Variants in CLUAP1 observed in about 807,000 individuals in gnomAD.
CLUAP1 encodes the protein intraflagellar transport 38.
In CLUAP1, 50 loss-of-function variants were observed where a neutral mutation model predicts 55.0. The ratio of observed to expected loss-of-function variants is 0.91; its 90% CI spans 0.72 to 1.15. The LOEUF is 1.15. Ranked by LOEUF, CLUAP1 falls within the 50% of genes most tolerant of loss-of-function variation. The pLI, the probability that CLUAP1 is intolerant of heterozygous loss-of-function variation, is 0.00. For missense variants in CLUAP1, 530 were observed against 507.6 expected (o/e 1.04, Z -0.42); for synonymous variants, 195 against 175.4 (o/e 1.11, Z -0.88).
At chr16:3,533,235 G>A in intron 11 of CLUAP1, 1 of 1,124,642 alleles carries the variant, frequency 8.9e-7, no homozygotes, top group African/African-American at 1.5e-5. Context: ...CTCCCTAGGA[G>A]TGATGCTTCC....
At chr16:3,510,660 G>A (rs2037607317) in intron 4 of CLUAP1, among the ~76,000 whole-genome samples, 1 of 152,200 alleles carries the variant, frequency 6.6e-6, no homozygotes, top group African/African-American at 2.4e-5. Flanking sequence ...CATGTGGCAA[G>A]CACAACTGAG....
chr16:3,519,866 A>G (rs2037799509), intron 6 of CLUAP1, 37 bp from the exon 7 acceptor site: 1 of 1,545,432 alleles, frequency 6.5e-7, no homozygotes, highest in Non-Finnish European at 8.7e-7. Flanking sequence ...GGCTGTTTTT[A>G]TTGCCACCTT....
At chr16:3,501,847 G>A (rs2037409510) in intron 1 of CLUAP1, among the ~76,000 whole-genome samples, 1 of 151,834 alleles carries the variant, frequency 6.6e-6, no homozygotes, top group Admixed American at 6.6e-5. Flanking sequence ...TAATCATTGC[G>A]GCTAACATTT....
chr16:3,520,828 A>G (rs1431215357), intron 7 of CLUAP1, among the ~76,000 whole-genome samples: 1 of 152,168 alleles, frequency 6.6e-6, no homozygotes, highest in African/African-American at 2.4e-5. Flanking sequence ...AGGAATACCG[A>G]TGGAGAATAG....
chr16:3,506,506 A>C (rs2037509645), intron 3 of CLUAP1, 91 bp downstream of exon 3: 1 of 1,025,398 alleles, frequency 9.8e-7, no homozygotes, highest in East Asian at 2.4e-5. Context: ...TGTGTAATTG[A>C]GTTTTTCTTT....
At chr16:3,496,458 C>T (rs990677994), upstream of CLUAP1, 33 of 916,262 alleles carry the variant, frequency 3.6e-5, no homozygotes, top group Admixed American at 3.3e-4. Context: ...GTTGTGGGGA[C>T]GCTTAACGGA....
At position 3,536,283 on chromosome 16, in the gene CLUAP1, A is replaced by T. The variant is rs762474201; in HGVS notation, c.*12A>T. 35 of 1,613,314 alleles carry T rather than the reference A, an allele frequency of 2.2e-5. No individual in the cohort carries two copies. Among genetic ancestry groups the T allele is most frequent in the Non-Finnish European group, 2.6e-5 (31 of 1,179,564 alleles). ...ACAATGACTTCTGACCCTTTTGCCA[A>T]GGGACCCTGGCAGATTAAAACCCTC... is the stretch of plus-strand genomic sequence containing the variant. On this transcript the variant is annotated 3_prime_UTR_variant, in exon 12 of 12. Transcript: ENST00000576634.
Position 3,536,467 on chromosome 16 carries a change from C to A in CLUAP1, c.*196C>A, listed in dbSNP as rs1186010482. 32 of 532,020 alleles carry A rather than the reference C, an allele frequency of 6.0e-5. No individual in the cohort carries two copies. Among genetic ancestry groups the A allele is most frequent in the Non-Finnish European group, 3.2e-6 (1 of 312,086 alleles). 33.0% of individuals were successfully genotyped at this position (532,020 alleles called of 1,614,324 possible). A position where few individuals can be genotyped will look rare whatever the true frequency, so the allele number is the denominator to read the frequency against. ...CTTAAATAAGAATTGAAGCAAATCC[C>A]TAAGATTTATTTTTTTCCACCTTAT... On this transcript the variant is annotated 3_prime_UTR_variant, in exon 12 of 12. Transcript: ENST00000576634.
intron 8 of CLUAP1, among the ~76,000 whole-genome samples, chr16:3,524,989 T>A (rs2037913617): frequency 6.6e-6 from 1 of 152,242 alleles, no homozygotes; most frequent in South Asian, 2.1e-4. Context: ...ATTAAGGTTA[T>A]GCTAGGCTTC....
Position 3,512,580 on chromosome 16 carries a change from C to T in CLUAP1, c.495+102C>T, listed in dbSNP as rs555653518. The T allele has an allele frequency of 9.0e-4, 796 of 880,246 alleles. 2 individuals are homozygous for T. Among genetic ancestry groups the T allele is most frequent in the Non-Finnish European group, 1.3e-3 (736 of 548,318 alleles). The allele number at this position is 880,246 out of a possible 1,614,324, so 54.5% of individuals were successfully genotyped here. A position where few individuals can be genotyped will look rare whatever the true frequency, so the allele number is the denominator to read the frequency against. ...TCAGTTCTGATTTAATGAAATACAC[C>T]TGGTTGAATGAGCTAATGTGTGGAA... is the stretch of plus-strand genomic sequence containing the variant. On this transcript the variant is annotated intron_variant, in intron 5 of 11. Transcript: ENST00000576634.
upstream of CLUAP1, chr16:3,500,933 G>T (rs1340082410): frequency 1.0e-6 from 1 of 965,170 alleles, no homozygotes; most frequent in Non-Finnish European, 1.5e-6. Flanking sequence ...CCGCGTCTTC[G>T]CTTCGCTTTT....
chr16:3,526,602 G>T (rs1229113153), intron 9 of CLUAP1, 118 bp downstream of exon 9: 19 of 368,660 alleles, frequency 5.2e-5, no homozygotes, highest in East Asian at 1.4e-4. Context: ...TTTTTCAGCA[G>T]TTTTTTTTTT....
intron 10 of CLUAP1, among the ~76,000 whole-genome samples, chr16:3,532,477 C>T (rs569993521): frequency 1.5e-5 from 2 of 132,376 alleles, no homozygotes; most frequent in East Asian, 4.9e-4. Context: ...TGCAGTGGCA[C>T]GATCTCAGCT....
intron 1 of CLUAP1, among the ~76,000 whole-genome samples, chr16:3,502,876 G>A (rs2037433894): frequency 6.6e-6 from 1 of 152,222 alleles, no homozygotes; most frequent in Non-Finnish European, 1.5e-5. Flanking sequence ...ACTCAAATTA[G>A]TGTCTATTTT....
At chr16:3,517,995 G>T (rs932521527) in intron 6 of CLUAP1, among the ~76,000 whole-genome samples, 2 of 152,156 alleles carry the variant, frequency 1.3e-5, no homozygotes, top group Non-Finnish European at 2.9e-5. Context: ...AGTGGAGTGG[G>T]GCTGGAGTTA....
chr16:3,503,140 A>G (rs2037439201), intron 1 of CLUAP1, among the ~76,000 whole-genome samples: 1 of 151,026 alleles, frequency 6.6e-6, no homozygotes, highest in Admixed American at 6.6e-5. Flanking sequence ...ACACTCACCT[A>G]ACTTTTGTAT....
intron 9 of CLUAP1, among the ~76,000 whole-genome samples, chr16:3,529,821 TA>T (rs1188540437): frequency 2.2e-4 from 8 of 35,818 alleles, no homozygotes; most frequent in East Asian, 9.0e-4. Flanking sequence ...TATTATAATA[TA>T]ATATATTATA....
intron 11 of CLUAP1, chr16:3,535,657 C>T (rs1053247881): frequency 1.9e-5 from 3 of 154,462 alleles, no homozygotes; most frequent in African/African-American, 7.3e-5. Flanking sequence ...CTCCCAGGTT[C>T]AAGCGATTCT....
rs1430943904 is a variant in CLUAP1 at position 3,536,448 on chromosome 16, T to A, written c.*177T>A. On this transcript the variant is annotated 3_prime_UTR_variant, in exon 12 of 12. Transcript: ENST00000576634. The stretch of plus-strand genomic sequence containing the variant: ...ATGTTTGCATTCCATGAAGCTTAAA[T>A]AAGAATTGAAGCAAATCCCTAAGAT... 1.7e-6 allele frequency: 1 copy of A among 602,208 alleles called. No homozygotes were observed. The highest frequency in any genetic ancestry group is 2.9e-5 in the East Asian group (1 of 34,542). The allele number at this position is 602,208 out of a possible 1,614,324, so 37.3% of individuals were successfully genotyped here.
Sources: gnomAD v4.1 joint callset for allele counts (sites outside exome capture counted in the v4.1 genomes callset) on GRCh38, gnomAD v4.1.1 for gene constraint, MANE v1.5 for transcripts, NCBI Gene and HGNC (gene_info 2026-07-23, HGNC 2026-07-21) for gene names.